CPA6: variants seen among roughly 807,000 people sequenced by gnomAD.
CPA6 encodes the protein carboxypeptidase B.
Under a neutral mutation model 63.3 loss-of-function variants are expected in CPA6, and 58 were observed. The ratio of observed to expected loss-of-function variants is 0.92; its 90% CI spans 0.74 to 1.14. The LOEUF (loss-of-function observed/expected upper bound fraction) is 1.14, where lower values mean the gene tolerates loss of function less well. CPA6 is among the 50% of genes most tolerant of loss of function. The probability of loss-of-function intolerance (pLI) is 0.00; values close to 1 mark genes in which losing one functional copy is unlikely to be tolerated. For missense variants in CPA6, 565 were observed against 526.6 expected (o/e 1.07, Z -0.71); for synonymous variants, 185 against 179.0 (o/e 1.03, Z -0.27).
intron 6 of CPA6, among the ~76,000 whole-genome samples, chr8:67,493,411 C>T (rs949988678): frequency 6.6e-6 from 1 of 152,144 alleles, no homozygotes; most frequent in African/African-American, 2.4e-5. Flanking sequence ...AAAGACTTCC[C>T]AGTTGGAGGA....
intron 8 of CPA6, among the ~76,000 whole-genome samples, chr8:67,463,791 T>C (rs1030601190): frequency 6.6e-6 from 1 of 152,254 alleles, no homozygotes; most frequent in African/African-American, 2.4e-5. Flanking sequence ...TTTCTGTTCC[T>C]GCATTAATTT....
At chr8:67,457,935 C>T (rs1810713133) in intron 8 of CPA6, among the ~76,000 whole-genome samples, 3 of 152,108 alleles carry the variant, frequency 2.0e-5, no homozygotes, top group Admixed American at 2.0e-4. Context: ...CTCTTGAAAC[C>T]TATTGAAATC....
intron 2 of CPA6, among the ~76,000 whole-genome samples, chr8:67,554,424 G>A (rs1268812526): frequency 1.3e-5 from 2 of 152,178 alleles, no homozygotes; most frequent in African/African-American, 4.8e-5. Context: ...GCAGCACCAA[G>A]AGGAAACAGC....
chr8:67,536,634 A>G (rs1812590901), intron 2 of CPA6, among the ~76,000 whole-genome samples: 2 of 152,218 alleles, frequency 1.3e-5, no homozygotes, highest in African/African-American at 4.8e-5. Context: ...CAATCATGTC[A>G]TCTGCAAACA....
At chr8:67,734,757 C>T (rs1453585890) in intron 1 of CPA6, among the ~76,000 whole-genome samples, 1 of 152,160 alleles carries the variant, frequency 6.6e-6, no homozygotes, top group Non-Finnish European at 1.5e-5. Context: ...TCCCATCATC[C>T]CAAACATGAT....
At chr8:67,665,819 T>C (rs1816214565) in intron 1 of CPA6, among the ~76,000 whole-genome samples, 1 of 152,236 alleles carries the variant, frequency 6.6e-6, no homozygotes, top group African/African-American at 2.4e-5. Context: ...ACAAGCTACT[T>C]AACCTCTCTA....
intron 1 of CPA6, among the ~76,000 whole-genome samples, chr8:67,675,127 C>T (rs991969114): frequency 2.0e-5 from 3 of 152,168 alleles, no homozygotes; most frequent in Admixed American, 2.0e-4. Flanking sequence ...ACTTCAGCAT[C>T]ATGCAATATA....
rs74378851 is a variant in CPA6, at chr8:67,580,695, A to T, written c.192+43481T>A. On this transcript the variant is annotated intron_variant, in intron 2 of 10. Coordinates refer to ENST00000297770, the MANE Select transcript of CPA6 (RefSeq NM_020361.5). ...GTCCTTCAAGCATGAATTAATTAGCACCTTGTGGTTACCATGCCAGCCTGG... is the reference window on the plus strand; with the variant it reads ...GTCCTTCAAGCATGAATTAATTAGCTCCTTGTGGTTACCATGCCAGCCTGG... Among the ~76,000 whole-genome samples the T allele has an allele frequency of 5.1e-3, 773 of 152,224 alleles. 21 individuals are homozygous for T. The East Asian group carries it at 0.083, about 16-fold the overall frequency.
intron 5 of CPA6, among the ~76,000 whole-genome samples, chr8:67,507,131 A>G (rs1047457807): frequency 6.6e-6 from 1 of 152,088 alleles, no homozygotes; most frequent in Non-Finnish European, 1.5e-5. Context: ...AAATCCCTAA[A>G]TAGGTTGCTT....
chr8:67,556,914 T>A (rs1277140336), intron 2 of CPA6, among the ~76,000 whole-genome samples: 2 of 152,218 alleles, frequency 1.3e-5, no homozygotes, highest in African/African-American at 4.8e-5. Context: ...TCTTTCCTCC[T>A]AAGGCCTGAG....
chr8:67,515,519 G>C (rs1426779402), intron 3 of CPA6, among the ~76,000 whole-genome samples: 1 of 152,190 alleles, frequency 6.6e-6, no homozygotes, highest in African/African-American at 2.4e-5. Flanking sequence ...TGGGGCATAA[G>C]GGAGGAAGGT....
chr8:67,496,525 A>ATATATATGTATATATATATATATGTG (rs1254721374), intron 6 of CPA6, among the ~76,000 whole-genome samples: 5 of 55,038 alleles, frequency 9.1e-5, no homozygotes, highest in African/African-American at 3.3e-4. Context: ...TAGTTTATAT[A>ATATATATGTATATATATATATATGTG]TATATATATA....
chr8:67,500,185 GTA>G (rs1265874046), intron 6 of CPA6, among the ~76,000 whole-genome samples: 10 of 152,104 alleles, frequency 6.6e-5, no homozygotes, highest in African/African-American at 2.4e-4. Context: ...ATCTGTAGAT[GTA>G]TAGATCTACC....
intron 1 of CPA6, among the ~76,000 whole-genome samples, chr8:67,734,597 C>A (rs985291151): frequency 2.6e-5 from 4 of 152,126 alleles, no homozygotes; most frequent in African/African-American, 9.7e-5. Context: ...AAGTCGAGGG[C>A]TTAGAATATT....
intron 1 of CPA6, among the ~76,000 whole-genome samples, chr8:67,690,075 T>A (rs1816785420): frequency 6.6e-6 from 1 of 152,208 alleles, no homozygotes; most frequent in South Asian, 2.1e-4. Flanking sequence ...TATGTCTTCT[T>A]TAGAGAAATG....
At chr8:67,735,711 A>G (rs576277942) in intron 1 of CPA6, 1 of 147,836 alleles carries the variant, frequency 6.8e-6, no homozygotes, top group South Asian at 2.1e-4. Flanking sequence ...TTGCTATTAC[A>G]TTTCTGCCCT....
intron 8 of CPA6, among the ~76,000 whole-genome samples, chr8:67,436,895 G>C (rs1215167942): frequency 6.6e-6 from 1 of 152,190 alleles, no homozygotes; most frequent in African/African-American, 2.4e-5. Context: ...TGGTGGTTCT[G>C]TGATGTAGCC....
At chr8:67,475,863 C>A (rs1326738162) in intron 8 of CPA6, among the ~76,000 whole-genome samples, 1 of 80,694 alleles carries the variant, frequency 1.2e-5, no homozygotes, top group Non-Finnish European at 2.4e-5. Flanking sequence ...TTCTTTCTTT[C>A]TTTCTTTCTT....
intron 9 of CPA6, among the ~76,000 whole-genome samples, chr8:67,429,443 G>A (rs1256034377): frequency 6.6e-6 from 1 of 152,152 alleles, no homozygotes; most frequent in East Asian, 1.9e-4. Context: ...TCCGGACAAC[G>A]TGGTGGTGTG....
Sources: gnomAD v4.1 joint callset for allele counts (sites outside exome capture counted in the v4.1 genomes callset) on GRCh38, gnomAD v4.1.1 for gene constraint, MANE v1.5 for transcripts, NCBI Gene and HGNC (gene_info 2026-07-23, HGNC 2026-07-21) for gene names.